Variants in MEGF10 observed in about 807,000 individuals in gnomAD.
MEGF10 encodes multiple EGF like domains 10.
Under a neutral mutation model 147.5 loss-of-function variants are expected in MEGF10, and 86 were observed. The ratio of observed to expected loss-of-function variants is 0.58; its 90% CI spans 0.49 to 0.70. The LOEUF is 0.70. Ranked by LOEUF, MEGF10 falls within the 30% of genes least tolerant of loss-of-function variation. The pLI is 0.00. For missense variants in MEGF10, 1,329 were observed against 1,487.3 expected (o/e 0.89, Z 1.75); for synonymous variants, 478 against 525.5 (o/e 0.91, Z 1.24).
intron 17 of MEGF10, among the ~76,000 whole-genome samples, chr5:127,440,047 C>T (rs13190032): frequency 0.48 from 73,370 of 152,028 alleles, 20,093 homozygotes; most frequent in Middle Eastern, 0.66. Context: ...TCTTTCATCA[C>T]GCCAGAGATC....
intron 1 of MEGF10, among the ~76,000 whole-genome samples, chr5:127,320,586 A>G (rs934612605): frequency 2.6e-5 from 4 of 152,182 alleles, no homozygotes; most frequent in Non-Finnish European, 5.9e-5. Context: ...TTGCATACAT[A>G]TGCGATTGGC....
At chr5:127,258,709 T>A in the MEGF10 span, among the ~76,000 whole-genome samples, 983 of 152,286 alleles carry the variant, frequency 6.5e-3, 9 homozygotes, top group Admixed American at 9.2e-3. Context: ...TGCTGTAATT[T>A]CAGTAATGGA....
At chr5:127,273,094 G>A in the MEGF10 span, among the ~76,000 whole-genome samples, 40 of 152,176 alleles carry the variant, frequency 2.6e-4, no homozygotes, top group Non-Finnish European at 1.5e-5. Context: ...GCTGGAGTAT[G>A]TAAAGCTCCC....
At chr5:127,311,420 T>G (rs1561563172) in intron 1 of MEGF10, among the ~76,000 whole-genome samples, 1 of 152,248 alleles carries the variant, frequency 6.6e-6, no homozygotes, top group East Asian at 1.9e-4. Flanking sequence ...TTCTCATTAC[T>G]TATGTCACAG....
At chr5:127,381,102 A>C (rs372288929) in intron 5 of MEGF10, among the ~76,000 whole-genome samples, 36 of 152,238 alleles carry the variant, frequency 2.4e-4, no homozygotes, top group African/African-American at 8.4e-4. Flanking sequence ...CAATTTTGCT[A>C]TCTAAACTTT....
intron 5 of MEGF10, among the ~76,000 whole-genome samples, chr5:127,382,399 A>G (rs1453917970): frequency 6.6e-6 from 1 of 152,218 alleles, no homozygotes; most frequent in East Asian, 1.9e-4. Context: ...ATTTTTGCAT[A>G]AAACTAGTGG....
At chr5:127,290,342 C>T (rs1255183377), upstream of MEGF10, among the ~76,000 whole-genome samples, 1 of 152,142 alleles carries the variant, frequency 6.6e-6, no homozygotes, top group African/African-American at 2.4e-5. Flanking sequence ...GCGCTTTCTC[C>T]CCTGACACCA....
intron 5 of MEGF10, among the ~76,000 whole-genome samples, chr5:127,391,060 A>G (rs543809871): frequency 1.3e-5 from 2 of 149,678 alleles, no homozygotes; most frequent in African/African-American, 4.9e-5. Context: ...TATTGTCTTT[A>G]TGTGTATATA....
In MEGF10 at chr5:127,331,389, T is replaced by A; in HGVS notation, c.81T>A (p.Asn27Lys). Residue 27 changes from asparagine to lysine, a missense_variant, in exon 2 of 25, where the codon AAT becomes AAA. Asn to Lys is a moderately conservative substitution (Grantham distance 94). Coordinates refer to ENST00000503335, the MANE Select transcript of MEGF10 (RefSeq NM_001256545.2). ...CHWIGTASPL[N>K]LEDPNVCSHW... is the part of the protein sequence containing the mutation. ...GGATTGGGACAGCATCACCTCTGAA[T>A]CTTGAAGACCCTAATGTGTGTAGCC... is the stretch of plus-strand genomic sequence containing the variant. 1.2e-6 allele frequency: 2 copies of A among 1,612,804 alleles called. No individual in the cohort carries two copies. Among genetic ancestry groups the A allele is most frequent in the Non-Finnish European group, 1.7e-6 (2 of 1,178,932 alleles).
chr5:127,439,106 G>A lies in MEGF10; in HGVS notation c.2233+539G>A, dbSNP rs151161770. Among the ~76,000 whole-genome samples, 32 of 152,336 alleles carry A rather than the reference G, an allele frequency of 2.1e-4. No individual in the cohort carries two copies. In the East Asian group the frequency reaches 6.0e-3, roughly 28 times the overall value. On this transcript the variant is annotated intron_variant, in intron 17 of 24. Transcript: ENST00000503335. Reference sequence around the variant, plus strand: ...GAATTGCCATTTTTATCAACTGGTAGTAATGCCAGGCTGGGACCATGCTTT... The same window carrying A: ...GAATTGCCATTTTTATCAACTGGTAATAATGCCAGGCTGGGACCATGCTTT...
chr5:127,245,954 A>G, the MEGF10 span, among the ~76,000 whole-genome samples: 1 of 152,224 alleles, frequency 6.6e-6, no homozygotes, highest in East Asian at 1.9e-4. Flanking sequence ...GTTAGGAAAC[A>G]ACAGATGCTG....
chr5:127,258,508 C>A, the MEGF10 span, among the ~76,000 whole-genome samples: 25 of 152,130 alleles, frequency 1.6e-4, 1 homozygote, highest in South Asian at 5.2e-3. Context: ...TTGAAAGATA[C>A]ACAAAGAAAA....
At chr5:127,387,061 A>G (rs774976236) in intron 5 of MEGF10, among the ~76,000 whole-genome samples, 24 of 152,202 alleles carry the variant, frequency 1.6e-4, no homozygotes, top group Non-Finnish European at 3.1e-4. Flanking sequence ...CCAGCTAGTG[A>G]TTGAGGAATT....
At chr5:127,250,315 A>G in the MEGF10 span, among the ~76,000 whole-genome samples, 1 of 152,178 alleles carries the variant, frequency 6.6e-6, no homozygotes, top group South Asian at 2.1e-4. Flanking sequence ...GGAAGAATAC[A>G]TTAAATGTAG....
intron 17 of MEGF10, among the ~76,000 whole-genome samples, chr5:127,440,211 T>G (rs1765705157): frequency 6.6e-6 from 1 of 152,184 alleles, no homozygotes; most frequent in South Asian, 2.1e-4. Context: ...GAAGTACAAT[T>G]GTTTTTTAAG....
At chr5:127,263,313 G>A in the MEGF10 span, among the ~76,000 whole-genome samples, 7,599 of 148,886 alleles carry the variant, frequency 0.051, 338 homozygotes, top group African/African-American at 0.11. Flanking sequence ...TTCTCGGGGG[G>A]GGGGTAAAAT....
At chr5:127,441,224 G>C (rs1026606046) in intron 18 of MEGF10, among the ~76,000 whole-genome samples, 1 of 152,232 alleles carries the variant, frequency 6.6e-6, no homozygotes, top group Non-Finnish European at 1.5e-5. Flanking sequence ...CAGAACCCGG[G>C]TCTCACATTG....
chr5:127,354,188 CTT>C (rs1762193811), intron 4 of MEGF10, among the ~76,000 whole-genome samples: 1 of 152,146 alleles, frequency 6.6e-6, no homozygotes, highest in African/African-American at 2.4e-5. Flanking sequence ...GAACTTTACT[CTT>C]GTTTGAATGT....
intron 2 of MEGF10, among the ~76,000 whole-genome samples, chr5:127,335,866 C>T (rs1761451014): frequency 6.6e-6 from 1 of 150,682 alleles, no homozygotes; most frequent in South Asian, 2.1e-4. Flanking sequence ...AATGTGTTTT[C>T]CAAATTCCAT....
Sources: allele counts gnomAD v4.1 joint callset (sites outside exome capture counted in the v4.1 genomes callset), GRCh38; gene constraint gnomAD v4.1.1; transcripts MANE v1.5; gene names NCBI Gene and HGNC (gene_info 2026-07-23, HGNC 2026-07-21).